The following TXNDC5 variants were observed in gnomAD, a reference collection of about 807,000 sequenced individuals.
The protein encoded by TXNDC5 is thioredoxin domain-containing protein 5.
In TXNDC5, 44 loss-of-function variants were observed where a neutral mutation model predicts 52.6. The observed-to-expected ratio is 0.84, with a 90% CI of 0.66 to 1.08. The LOEUF is 1.08. Ranked by LOEUF, TXNDC5 falls within the 50% of genes least tolerant of loss-of-function variation. The probability of loss-of-function intolerance (pLI) is 0.00; values close to 1 mark genes in which losing one functional copy is unlikely to be tolerated. For missense variants in TXNDC5, 600 were observed against 565.5 expected, an observed-to-expected ratio of 1.06 and a Z score of -0.62; for synonymous variants, 241 against 234.4, an observed-to-expected ratio of 1.03 and a Z score of -0.26.
intron 1 of TXNDC5, among the ~76,000 whole-genome samples, chr6:7,905,783 G>A (rs1374812801): frequency 6.6e-6 from 1 of 152,190 alleles, no homozygotes; most frequent in Non-Finnish European, 1.5e-5. Context: ...GGAACACACT[G>A]ATGCCTACAA....
At chr6:7,886,715 C>T (rs188713238) in intron 7 of TXNDC5, among the ~76,000 whole-genome samples, 54 of 152,294 alleles carry the variant, frequency 3.5e-4, no homozygotes, top group Non-Finnish European at 7.1e-4. Flanking sequence ...CAGTTCTTTA[C>T]AGAATGACGT....
chr6:7,898,382 G>T (rs895871587), intron 3 of TXNDC5, among the ~76,000 whole-genome samples: 2 of 152,172 alleles, frequency 1.3e-5, no homozygotes, highest in Admixed American at 6.5e-5. Flanking sequence ...TGCAGGTGAG[G>T]GATGGAAGCA....
intron 8 of TXNDC5, 34 bp from the exon 9 acceptor site, chr6:7,884,522 C>A (rs1188414176): frequency 1.9e-6 from 3 of 1,613,216 alleles, no homozygotes; most frequent in Non-Finnish European, 2.5e-6. Flanking sequence ...TCGTTGAAAT[C>A]CTGGGTCGAG....
At chr6:7,893,043 T>C (rs984718375) in intron 4 of TXNDC5, among the ~76,000 whole-genome samples, 1 of 152,204 alleles carries the variant, frequency 6.6e-6, no homozygotes, top group African/African-American at 2.4e-5. Flanking sequence ...ATCTGTATTA[T>C]ATTTTATCAT....
chr6:7,906,116 C>G (rs1437639304), intron 1 of TXNDC5, among the ~76,000 whole-genome samples: 1 of 148,126 alleles, frequency 6.8e-6, no homozygotes, highest in East Asian at 1.9e-4. Context: ...TGGCACACAC[C>G]TGCAGTCCTA....
intron 7 of TXNDC5, among the ~76,000 whole-genome samples, chr6:7,887,895 CCCAGCCTATCTGT>C (rs1291223982): frequency 7.9e-5 from 12 of 152,072 alleles, no homozygotes; most frequent in African/African-American, 2.9e-4. Context: ...GGCAGCCCTG[CCCAGCCTATCTGT>C]CCAGCACAGA....
chr6:7,909,529 G>T (rs1392880855), intron 1 of TXNDC5, among the ~76,000 whole-genome samples: 1 of 152,202 alleles, frequency 6.6e-6, no homozygotes, highest in African/African-American at 2.4e-5. Flanking sequence ...GCCTCGCCCA[G>T]AGAACCAAAG....
intron 1 of TXNDC5, 145 bp downstream of exon 1, chr6:7,910,369 G>A (rs1346664177): frequency 1.0e-4 from 101 of 961,940 alleles, no homozygotes; most frequent in African/African-American, 2.7e-4. Context: ...CCTGAGCCCC[G>A]AGCCCCGCGC....
At chr6:7,895,393 T>G (rs1760333854) in intron 3 of TXNDC5, among the ~76,000 whole-genome samples, 191 bp from the exon 4 acceptor site, 1 of 152,068 alleles carries the variant, frequency 6.6e-6, no homozygotes. Context: ...CTCTGGAAGC[T>G]TCAGCAAAAA....
intron 3 of TXNDC5, among the ~76,000 whole-genome samples, chr6:7,898,360 TGAGA>T (rs1302009314): frequency 1.3e-5 from 2 of 152,152 alleles, no homozygotes; most frequent in African/African-American, 4.8e-5. Flanking sequence ...CCAGCCGAGT[TGAGA>T]GAGTCTTTGC....
At chr6:7,910,198 C>T (rs889969764) in intron 1 of TXNDC5, 78 of 964,628 alleles carry the variant, frequency 8.1e-5, no homozygotes, top group Non-Finnish European at 9.7e-5. Flanking sequence ...GCTGAGCTCA[C>T]GCCTCCCGAC....
At chr6:7,885,342 G>A (rs1012762366) in intron 8 of TXNDC5, among the ~76,000 whole-genome samples, 5 of 152,184 alleles carry the variant, frequency 3.3e-5, no homozygotes, top group Admixed American at 2.6e-4. Context: ...TGAGGGAACT[G>A]GGGTTCAAAG....
chr6:7,899,872 T>C, intron 2 of TXNDC5, 191 bp from the exon 3 acceptor site: 1 of 451,680 alleles, frequency 2.2e-6, no homozygotes, highest in South Asian at 3.5e-5. Context: ...TCCTAAACTT[T>C]CAGAAGTTTC....
intron 2 of TXNDC5, among the ~76,000 whole-genome samples, chr6:7,901,581 G>A (rs900185375): frequency 1.3e-5 from 2 of 152,174 alleles, no homozygotes; most frequent in African/African-American, 4.8e-5. Context: ...CAGAGCCCAG[G>A]GACAGAGCGG....
chr6:7,910,480 G>T, intron 1 of TXNDC5, 34 bp downstream of exon 1: 1 of 1,398,776 alleles, frequency 7.1e-7, no homozygotes, highest in Non-Finnish European at 9.4e-7. Context: ...GAAGCGCCAA[G>T]TGCGGGGCAG....
At position 7,881,758 on chromosome 6, in the gene TXNDC5, C is replaced by G. The variant is rs1389376955; in HGVS notation, c.*1386G>C. 1 of 152,190 alleles carries G rather than the reference C, an allele frequency of 6.6e-6. No homozygotes were observed. Among genetic ancestry groups the G allele is most frequent in the Non-Finnish European group, 1.5e-5 (1 of 68,018 alleles). 9.4% of individuals were successfully genotyped at this position (152,190 alleles called of 1,614,324 possible). A position where few individuals can be genotyped will look rare whatever the true frequency, so the allele number is the denominator to read the frequency against. ...CTGGTCGAGATGCTGCTGTTATCTT[C>G]TGCCTCAGACAGACAGTATAAGTGG... On this transcript the variant is annotated 3_prime_UTR_variant, in exon 10 of 10. Transcript: ENST00000379757.
At chr6:7,903,888 G>A (rs1048441620) in intron 2 of TXNDC5, among the ~76,000 whole-genome samples, 10 of 152,060 alleles carry the variant, frequency 6.6e-5, no homozygotes, top group African/African-American at 2.4e-4. Flanking sequence ...TTCCTGGAAC[G>A]AACATTCCAG....
intron 8 of TXNDC5, among the ~76,000 whole-genome samples, chr6:7,884,709 T>C (rs1759899100): frequency 1.3e-5 from 2 of 152,210 alleles, no homozygotes; most frequent in South Asian, 2.1e-4. Flanking sequence ...TTTCAGATAA[T>C]GTGACAGAAG....
chr6:7,890,524 T>C (rs1189573648), intron 5 of TXNDC5, among the ~76,000 whole-genome samples: 1 of 152,108 alleles, frequency 6.6e-6, no homozygotes, highest in Admixed American at 6.5e-5. Context: ...GATATAAACC[T>C]AAAAGAATCT....
Sources: allele counts gnomAD v4.1 joint callset (sites outside exome capture counted in the v4.1 genomes callset), GRCh38; gene constraint gnomAD v4.1.1; transcripts MANE v1.5; gene names NCBI Gene and HGNC (gene_info 2026-07-23, HGNC 2026-07-21).